Variants in SORCS3 observed in about 807,000 individuals in gnomAD.
SORCS3 encodes the protein VPS10 domain-containing receptor SorCS3.
SORCS3 carries 57 observed loss-of-function variants against 146.3 expected under a neutral mutation model. The observed-to-expected ratio is 0.39, with a 90% confidence interval of 0.31 to 0.49. The LOEUF is 0.49. SORCS3 is among the 20% of genes least tolerant of loss of function. The probability of loss-of-function intolerance (pLI) is 0.92; values close to 1 mark genes in which losing one functional copy is unlikely to be tolerated. For missense variants in SORCS3, 1,341 were observed against 1,575.5 expected (o/e 0.85, Z 2.52); for synonymous variants, 653 against 618.5 (o/e 1.06, Z -0.83).
Position 104,641,676 on chromosome 10 carries a change from C to A in SORCS3, c.349C>A (p.Arg117=). Residue 117 remains arginine (R), a synonymous_variant, in exon 1 of 27, where the codon CGG becomes AGG. Transcript: ENST00000369701. This position sits in a 1 kb window ranked among gnomAD's most constrained non-coding sequence, Gnocchi z 6.4. ...ATCACCGGCAGGCGAGCGGCGGGGC[C>A]GGGGCATCCCAGCTCCTGCCAAGCT... ...GTSPAGERRG[R]GIPAPAKLGG... 6.5e-7 allele frequency: 1 copy of A among 1,526,962 alleles called. No individual in the cohort carries two copies. The highest frequency in any genetic ancestry group is 2.5e-5 in the East Asian group (1 of 40,446). 94.6% of individuals were successfully genotyped at this position (1,526,962 alleles called of 1,614,324 possible).
At chr10:104,973,588 T>C (rs1564725820) in intron 3 of SORCS3, among the ~76,000 whole-genome samples, 2 of 150,594 alleles carry the variant, frequency 1.3e-5, no homozygotes, top group Non-Finnish European at 3.0e-5. Context: ...TTCTCTCTTT[T>C]TTTCTTTATT....
rs151007117 is a variant in SORCS3, at chr10:105,086,635, C to A, written c.1029-3140C>A. 2.8e-4 allele frequency among the ~76,000 whole-genome samples: 43 copies of A among 152,300 alleles called. No individual in the cohort carries two copies. In the East Asian group the frequency reaches 7.5e-3, roughly 27 times the overall value. ...AGACTTTTCTTTCTTTTTAGTATAGCATAGTATTTATTGACCACAATCAGG... is the reference window on the plus strand; with the variant it reads ...AGACTTTTCTTTCTTTTTAGTATAGAATAGTATTTATTGACCACAATCAGG... On this transcript the variant is annotated intron_variant, in intron 5 of 26. Transcript: ENST00000369701.
chr10:105,247,041 C>T (rs921513216), intron 21 of SORCS3, among the ~76,000 whole-genome samples, 178 bp from the exon 22 acceptor site: 1 of 152,216 alleles, frequency 6.6e-6, no homozygotes, highest in Non-Finnish European at 1.5e-5. Flanking sequence ...CTTTTAATCA[C>T]CAAATTCTAC....
intron 1 of SORCS3, among the ~76,000 whole-genome samples, chr10:104,777,997 C>T (rs1304839831): frequency 1.3e-5 from 2 of 151,982 alleles, no homozygotes; most frequent in African/African-American, 4.8e-5. Context: ...TGAAGGTAAG[C>T]TCATTATTGA....
intron 1 of SORCS3, among the ~76,000 whole-genome samples, chr10:104,673,787 G>A (rs2015883707): frequency 6.6e-6 from 1 of 151,806 alleles, no homozygotes; most frequent in African/African-American, 2.4e-5. Flanking sequence ...TTTTCTTTGT[G>A]GTTACCATAG....
intron 5 of SORCS3, among the ~76,000 whole-genome samples, chr10:105,048,630 A>G (rs565407820): frequency 1.3e-5 from 2 of 151,928 alleles, no homozygotes; most frequent in Admixed American, 1.3e-4. Context: ...GCACATGTAT[A>G]CATATGTAAC....
chr10:104,967,390 A>T (rs750690662), intron 3 of SORCS3, among the ~76,000 whole-genome samples: 1 of 152,234 alleles, frequency 6.6e-6, no homozygotes, highest in Non-Finnish European at 1.5e-5. Flanking sequence ...TACAGACAAC[A>T]TGAGATTTAC....
chr10:105,203,779 A>G (rs2119622330), intron 16 of SORCS3, among the ~76,000 whole-genome samples: 1 of 152,336 alleles, frequency 6.6e-6, no homozygotes, highest in African/African-American at 2.4e-5. Context: ...ATATTAATAT[A>G]CATCATTAAT....
intron 9 of SORCS3, among the ~76,000 whole-genome samples, chr10:105,153,620 G>GGA (rs71022756): frequency 0.015 from 2,108 of 139,312 alleles, 16 homozygotes; most frequent in Non-Finnish European, 0.021. Context: ...CAGAGAGAGA[G>GGA]GAGAGAGAGA....
chr10:104,695,799 T>G (rs976134968), intron 1 of SORCS3, among the ~76,000 whole-genome samples: 2 of 151,632 alleles, frequency 1.3e-5, no homozygotes, highest in African/African-American at 4.8e-5. Context: ...CTTTTTAATA[T>G]TTGTGCATAA....
intron 1 of SORCS3, among the ~76,000 whole-genome samples, chr10:104,805,912 G>A (rs760750552): frequency 5.9e-5 from 9 of 151,456 alleles, no homozygotes; most frequent in East Asian, 1.9e-4. Context: ...TCTCTCTTGC[G>A]TGTGTAAGTC....
intron 2 of SORCS3, among the ~76,000 whole-genome samples, chr10:104,899,512 C>G (rs2018830513): frequency 1.3e-5 from 2 of 152,216 alleles, no homozygotes; most frequent in African/African-American, 4.8e-5. Flanking sequence ...AACAGCCTAA[C>G]TTTCCCCATT....
intron 7 of SORCS3, among the ~76,000 whole-genome samples, chr10:105,117,424 G>A (rs983999658): frequency 6.6e-6 from 1 of 152,100 alleles, no homozygotes; most frequent in South Asian, 2.1e-4. Context: ...GAAGTAGAAG[G>A]CATTGTTCTC....
chr10:105,252,811 G>A lies in SORCS3; in HGVS notation c.3142G>A (p.Val1048Met), dbSNP rs112848258. Residue 1048 changes from valine (V) to methionine (M), a missense_variant, in exon 23 of 27, where the codon GTG (valine) becomes ATG (methionine). Val to Met is a conservative substitution (Grantham distance 21). Transcript: ENST00000369701. ...CCCAGAGGACCAGATCCTCATTGCC[G>A]TGTTTCCTGGTCTCCCCACTTCAGC... Reference protein sequence around the residue: ...SVPEDQILIAVFPGLPTSAEL... With the variant: ...SVPEDQILIAMFPGLPTSAEL... 332 of 1,613,932 alleles carry A rather than the reference G, an allele frequency of 2.1e-4. No individual in the cohort carries two copies. Among genetic ancestry groups the A allele is most frequent in the Middle Eastern group, 6.6e-4 (4 of 6,084 alleles).
At chr10:104,839,100 T>C (rs1379323909) in intron 1 of SORCS3, among the ~76,000 whole-genome samples, 1 of 152,206 alleles carries the variant, frequency 6.6e-6, no homozygotes, top group Non-Finnish European at 1.5e-5. Context: ...ATATCTTTCA[T>C]TTACTCAAAA....
At chr10:104,910,732 A>T (rs1283515036) in intron 2 of SORCS3, among the ~76,000 whole-genome samples, 2 of 152,268 alleles carry the variant, frequency 1.3e-5, no homozygotes, top group Non-Finnish European at 2.9e-5. Context: ...ATAAGAAAAA[A>T]AGAACAAGGG....
intron 20 of SORCS3, among the ~76,000 whole-genome samples, chr10:105,233,019 T>C (rs1433335490): frequency 6.6e-6 from 1 of 152,106 alleles, no homozygotes; most frequent in East Asian, 1.9e-4. Flanking sequence ...AAGTAATCTA[T>C]AGATGTTAGT....
intron 4 of SORCS3, among the ~76,000 whole-genome samples, chr10:104,981,177 A>G (rs1438656903): frequency 1.3e-5 from 2 of 152,172 alleles, no homozygotes; most frequent in Admixed American, 6.5e-5. Context: ...TCTTCTGACC[A>G]TCTTATGAGC....
intron 4 of SORCS3, among the ~76,000 whole-genome samples, chr10:105,009,584 G>A (rs1385014536): frequency 6.7e-6 from 1 of 149,404 alleles, no homozygotes; most frequent in Non-Finnish European, 1.5e-5. Flanking sequence ...ATATGATTTT[G>A]TGTTGGCAAG....
Sources: allele counts gnomAD v4.1 joint callset (sites outside exome capture counted in the v4.1 genomes callset), GRCh38; gene constraint gnomAD v4.1.1; non-coding constraint Gnocchi (gnomAD v3.1); transcripts MANE v1.5; gene names NCBI Gene and HGNC (gene_info 2026-07-23, HGNC 2026-07-21).